The following SHISA6 variants were observed in gnomAD, a reference collection of about 807,000 sequenced individuals.
The protein encoded by SHISA6 is protein shisa-6.
SHISA6 carries 22 observed loss-of-function variants against 47.9 expected under a neutral mutation model. That is an observed-to-expected ratio of 0.46 (90% CI 0.33 to 0.66). The LOEUF (loss-of-function observed/expected upper bound fraction) is 0.66, where lower values mean the gene tolerates loss of function less well. Ranked by LOEUF, SHISA6 falls within the 30% of genes least tolerant of loss-of-function variation. The probability of loss-of-function intolerance (pLI) is 0.02; values close to 1 mark genes in which losing one functional copy is unlikely to be tolerated. For missense variants in SHISA6, 680 were observed against 764.6 expected (o/e 0.89, Z 1.30); for synonymous variants, 388 against 337.8 (o/e 1.15, Z -1.63).
At chr17:11,424,786 G>A (rs4627399) in intron 3 of SHISA6, among the ~76,000 whole-genome samples, 5,027 of 151,908 alleles carry the variant, frequency 0.033, 196 homozygotes, top group African/African-American at 0.084. Context: ...GGTGGATCAC[G>A]AGGTCAGGAG....
At chr17:11,377,041 A>G (rs1912825385) in intron 2 of SHISA6, among the ~76,000 whole-genome samples, 1 of 152,168 alleles carries the variant, frequency 6.6e-6, no homozygotes, top group African/African-American at 2.4e-5. Context: ...GCTTTGAAAA[A>G]CATAAAAGCT....
intron 2 of SHISA6, among the ~76,000 whole-genome samples, chr17:11,326,416 A>G (rs205027): frequency 0.051 from 7,689 of 152,130 alleles, 237 homozygotes; most frequent in Middle Eastern, 0.1. Flanking sequence ...GTGTGCATTC[A>G]TTTGTGTGTG....
intron 2 of SHISA6, among the ~76,000 whole-genome samples, chr17:11,281,438 CA>C (rs1385269508): frequency 6.6e-6 from 1 of 152,150 alleles, no homozygotes; most frequent in East Asian, 1.9e-4. Flanking sequence ...AGCCTGTTAA[CA>C]TGGAAAATTA....
intron 3 of SHISA6, among the ~76,000 whole-genome samples, chr17:11,503,719 G>A (rs1168938939): frequency 1.3e-5 from 2 of 152,182 alleles, no homozygotes; most frequent in African/African-American, 4.8e-5. Flanking sequence ...AACACAAATG[G>A]CTGGATTTTC....
intron 3 of SHISA6, among the ~76,000 whole-genome samples, chr17:11,485,438 G>A (rs752926498): frequency 7.2e-5 from 11 of 152,174 alleles, no homozygotes; most frequent in Non-Finnish European, 1.3e-4. Flanking sequence ...CAGGTGATTA[G>A]TGGGCAATGC....
chr17:11,464,500 T>G (rs3111841), intron 3 of SHISA6, among the ~76,000 whole-genome samples: 3 of 152,126 alleles, frequency 2.0e-5, no homozygotes, highest in African/African-American at 7.2e-5. Flanking sequence ...GGTGACAGCT[T>G]TCTTGTCCAT....
intron 4 of SHISA6, among the ~76,000 whole-genome samples, chr17:11,552,286 C>A (rs1215059278): frequency 6.6e-6 from 1 of 152,184 alleles, no homozygotes; most frequent in Non-Finnish European, 1.5e-5. Context: ...CTCCTTTGTT[C>A]AAAGCTATTT....
rs376671801 is a variant in SHISA6, at chr17:11,338,094, CAG to C, written c.800-41319_800-41318del. Among the ~76,000 whole-genome samples, 279 of 152,252 alleles carry C rather than the reference CAG, an allele frequency of 1.8e-3. 2 individuals carry two copies. Among genetic ancestry groups the C allele is most frequent in the African/African-American group, 6.2e-3 (257 of 41,556 alleles). ...GGAACAATGTAGAAAAACACATTGTCAGGGGAGAATCAGCTGGACTCAGCATC... is the reference window on the plus strand; with the variant it reads ...GGAACAATGTAGAAAAACACATTGTCGGGAGAATCAGCTGGACTCAGCATC... On this transcript the variant is annotated intron_variant, in intron 2 of 5. Transcript: ENST00000441885.
chr17:11,383,285 C>G (rs1331619932), intron 3 of SHISA6, among the ~76,000 whole-genome samples: 1 of 152,132 alleles, frequency 6.6e-6, no homozygotes, highest in Non-Finnish European at 1.5e-5. Context: ...GAGACAGAAG[C>G]ACCGTCTAGC....
At chr17:11,466,000 A>G (rs1915802638) in intron 3 of SHISA6, among the ~76,000 whole-genome samples, 1 of 152,148 alleles carries the variant, frequency 6.6e-6, no homozygotes, top group African/African-American at 2.4e-5. Context: ...GTTCTGGGGA[A>G]GGGACTACAA....
At chr17:11,273,954 C>T (rs1255211729) in intron 2 of SHISA6, among the ~76,000 whole-genome samples, 1 of 152,188 alleles carries the variant, frequency 6.6e-6, no homozygotes, top group East Asian at 1.9e-4. Flanking sequence ...GTGCTAAGCA[C>T]CTGTGTTCTT....
At chr17:11,307,785 A>G (rs921093005) in intron 2 of SHISA6, among the ~76,000 whole-genome samples, 1 of 152,246 alleles carries the variant, frequency 6.6e-6, no homozygotes, top group South Asian at 2.1e-4. Context: ...ATAATGGTAC[A>G]TGCTATGGAG....
At chr17:11,513,849 G>T (rs1178600564) in intron 3 of SHISA6, among the ~76,000 whole-genome samples, 1 of 152,140 alleles carries the variant, frequency 6.6e-6, no homozygotes, top group African/African-American at 2.4e-5. Context: ...AAACCAGAGA[G>T]CCAACTTATT....
intron 3 of SHISA6, among the ~76,000 whole-genome samples, chr17:11,533,443 G>A (rs1042242811): frequency 6.6e-6 from 1 of 151,830 alleles, no homozygotes; most frequent in African/African-American, 2.4e-5. Context: ...TATGACTCAG[G>A]CCCCATTCTC....
At chr17:11,436,934 G>C (rs369354515) in intron 3 of SHISA6, among the ~76,000 whole-genome samples, 114 of 152,250 alleles carry the variant, frequency 7.5e-4, no homozygotes, top group Middle Eastern at 3.4e-3. Context: ...CCCAACTAAA[G>C]CTAAAAGGCC....
chr17:11,297,222 A>C (rs922069157), intron 2 of SHISA6, among the ~76,000 whole-genome samples: 7 of 152,122 alleles, frequency 4.6e-5, no homozygotes, highest in African/African-American at 1.4e-4. Context: ...GAGTTTGGAG[A>C]TGGAGAGAGG....
At chr17:11,277,811 A>C (rs1437268582) in intron 2 of SHISA6, among the ~76,000 whole-genome samples, 1 of 152,148 alleles carries the variant, frequency 6.6e-6, no homozygotes, top group Non-Finnish European at 1.5e-5. Flanking sequence ...GCCTGAGCTC[A>C]TGCCATCATG....
intron 3 of SHISA6, among the ~76,000 whole-genome samples, chr17:11,407,367 G>A (rs1009943862): frequency 3.3e-5 from 5 of 152,090 alleles, no homozygotes; most frequent in Admixed American, 6.6e-5. Flanking sequence ...TGCTGCCCTA[G>A]TGAATGGGCT....
Position 11,563,916 on chromosome 17 carries a change from C to A in SHISA6, c.*5612C>A, listed in dbSNP as rs2072068841. The stretch of plus-strand genomic sequence containing the variant: ...GTGCTCTAGTAACTGCTTCTCTGTA[C>A]AAATCTCATCGTTCTACTTACCTGT... On this transcript the variant is annotated 3_prime_UTR_variant, in exon 6 of 6. Transcript: ENST00000441885. 1 of 152,202 alleles carries A rather than the reference C, an allele frequency of 6.6e-6. No individual in the cohort carries two copies. The highest frequency in any genetic ancestry group is 2.4e-5 in the African/African-American group (1 of 41,452). The allele number at this position is 152,202 out of a possible 1,614,324, so 9.4% of individuals were successfully genotyped here.
Sources: gnomAD v4.1 joint callset for allele counts (sites outside exome capture counted in the v4.1 genomes callset) on GRCh38, gnomAD v4.1.1 for gene constraint, MANE v1.5 for transcripts, NCBI Gene and HGNC (gene_info 2026-07-23, HGNC 2026-07-21) for gene names.